Variants in RINT1 observed in about 807,000 individuals in gnomAD.
RINT1 encodes the protein RAD50-interacting protein 1.
Under a neutral mutation model 97.7 loss-of-function variants are expected in RINT1, and 75 were observed. That is an observed-to-expected ratio of 0.77 (90% CI 0.64 to 0.93). The LOEUF is 0.93. RINT1 is among the 40% of genes least tolerant of loss of function. The pLI is 0.00. For missense variants in RINT1, 892 were observed against 925.2 expected (o/e 0.96, Z 0.47); for synonymous variants, 303 against 326.3 (o/e 0.93, Z 0.77).
chr7:105,532,851 A>AAG lies in RINT1; in HGVS notation c.72_73dup (p.Asn25ArgfsTer9), dbSNP rs1338730357. 6.2e-7 allele frequency: 1 copy of AAG among 1,614,052 alleles called. No homozygotes were observed. The highest frequency in any genetic ancestry group is 1.7e-5 in the Admixed American group (1 of 59,992). ...CTGCTCTGAAAGTGGTGACGAAAGGAAGAACCTCGAGGAGAAAAGTAAGCC... is the reference window on the plus strand; with the variant it reads ...CTGCTCTGAAAGTGGTGACGAAAGGAAGAGAACCTCGAGGAGAAAAGTAAGCC... On this transcript the variant is annotated frameshift_variant, in exon 2 of 15. Transcript: ENST00000257700. LOFTEE classifies it high-confidence loss of function.
intron 11 of RINT1, 133 bp downstream of exon 11, chr7:105,555,360 G>T (rs924086609): frequency 5.9e-5 from 38 of 642,622 alleles, no homozygotes; most frequent in Non-Finnish European, 8.5e-5. Context: ...TAATTAAAAG[G>T]TGTAATTAAA....
intron 4 of RINT1, among the ~76,000 whole-genome samples, chr7:105,544,626 G>A (rs920501382): frequency 1.3e-5 from 2 of 151,844 alleles, no homozygotes; most frequent in African/African-American, 4.8e-5. Context: ...GTAGAGATAG[G>A]GTTTCACTAT....
intron 9 of RINT1, 96 bp from the exon 10 acceptor site, chr7:105,551,474 T>C: frequency 9.0e-7 from 1 of 1,107,478 alleles, no homozygotes; most frequent in South Asian, 1.9e-5. Flanking sequence ...TGTTTCTTTT[T>C]TATAGAAAAG....
chr7:105,554,675 G>A lies in RINT1; in HGVS notation c.1472-353G>A, dbSNP rs561281553. Among the ~76,000 whole-genome samples the A allele has an allele frequency of 7.3e-5, 11 of 151,700 alleles. No homozygotes were observed. The East Asian group carries it at 2.2e-3, about 30-fold the overall frequency. On this transcript the variant is annotated intron_variant, in intron 10 of 14. Coordinates refer to ENST00000257700, the MANE Select transcript of RINT1 (RefSeq NM_021930.6). The stretch of plus-strand genomic sequence containing the variant: ...GGCTAGTCTTGAACTCCTGACCTCA[G>A]TTGATCCACCTGCCTTGGCCTCACA...
chr7:105,552,237 A>G (rs957756980), intron 10 of RINT1, among the ~76,000 whole-genome samples: 1 of 152,206 alleles, frequency 6.6e-6, no homozygotes, highest in African/African-American at 2.4e-5. Flanking sequence ...TTCCTGAATA[A>G]TTACACAAAA....
rs184867596 is a variant in RINT1 at position 105,532,214 on chromosome 7, C to T, written c.-102C>T. ...GAGGAAGTCGCTGTGGCACTCAGTCCTACGGCCTCCGAGGCTGGGTAGTGA... is the reference window on the plus strand; with the variant it reads ...GAGGAAGTCGCTGTGGCACTCAGTCTTACGGCCTCCGAGGCTGGGTAGTGA... On this transcript the variant is annotated 5_prime_UTR_variant, in exon 1 of 15. Coordinates refer to ENST00000257700, the MANE Select transcript of RINT1 (RefSeq NM_021930.6). The T allele has an allele frequency of 3.6e-5, 49 of 1,343,004 alleles. 1 individual carries two copies. Among genetic ancestry groups the T allele is most frequent in the East Asian group, 5.1e-5 (2 of 39,390 alleles). 83.2% of individuals were successfully genotyped at this position (1,343,004 alleles called of 1,614,324 possible). A position where few individuals can be genotyped will look rare whatever the true frequency, so the allele number is the denominator to read the frequency against.
chr7:105,551,779 C>G, intron 10 of RINT1, 72 bp downstream of exon 10: 1 of 1,333,538 alleles, frequency 7.5e-7, no homozygotes. Context: ...TAAAGTAGCT[C>G]AGTAGGCTGG....
Position 105,542,485 on chromosome 7 carries a change from T to TA in RINT1, c.353dup (p.Asn118LysfsTer15). The TA allele has an allele frequency of 6.2e-7, 1 of 1,614,016 alleles. No homozygotes were observed. The highest frequency in any genetic ancestry group is 8.5e-7 in the Non-Finnish European group (1 of 1,179,928). ...ATGCAGAAGAATCAAAGCAATTTCT[T>TA]AATCAGTTTCTGGAGCAGGAAACTC... On this transcript the variant is annotated frameshift_variant, in exon 4 of 15. Transcript: ENST00000257700. LOFTEE classifies it high-confidence loss of function.
chr7:105,556,524 TA>T lies in RINT1; in HGVS notation c.1671+1306del, dbSNP rs146857983. ...TATCTCTAAAAGGTAAGAACTCTTT[TA>T]AAAAAAAACAGCACTATGATTGTAT... On this transcript the variant is annotated intron_variant, in intron 11 of 14. Transcript: ENST00000257700. Among the ~76,000 whole-genome samples the T allele has an allele frequency of 7.3e-4, 111 of 151,144 alleles. No individual in the cohort carries two copies. In the South Asian group the frequency reaches 0.012, roughly 16 times the overall value.
At chr7:105,546,879 G>GA (rs752715363) in intron 4 of RINT1, 31 bp from the exon 5 acceptor site, 412 of 1,531,816 alleles carry the variant, frequency 2.7e-4, no homozygotes, top group Admixed American at 3.2e-4. Flanking sequence ...TGTCTCAAAA[G>GA]AAAAAAAAAT....
Position 105,565,518 on chromosome 7 carries a change from T to G in RINT1, c.2068-12T>G. 1.2e-6 allele frequency: 2 copies of G among 1,610,028 alleles called. No homozygotes were observed. The highest frequency in any genetic ancestry group is 1.7e-6 in the Non-Finnish European group (2 of 1,176,666). On this transcript the variant is annotated splice_polypyrimidine_tract_variant and intron_variant, in intron 13 of 14. Coordinates refer to ENST00000257700, the MANE Select transcript of RINT1 (RefSeq NM_021930.6). ...TAAAGACAACTGTTATATGAATTAT[T>G]CTTTGTTTCAGATAATTCTTGCTAA...
chr7:105,534,156 C>T (rs1005680787), intron 2 of RINT1, among the ~76,000 whole-genome samples: 11 of 152,032 alleles, frequency 7.2e-5, no homozygotes, highest in African/African-American at 2.2e-4. Context: ...CTGCAAGCTC[C>T]GCCTCTGAGT....
intron 10 of RINT1, among the ~76,000 whole-genome samples, chr7:105,552,284 G>T (rs1394520366): frequency 6.6e-6 from 1 of 152,114 alleles, no homozygotes; most frequent in African/African-American, 2.4e-5. Context: ...TATCCAAACT[G>T]TCTTGCTATT....
intron 11 of RINT1, among the ~76,000 whole-genome samples, chr7:105,561,699 T>C (rs1237694406): frequency 4.0e-5 from 6 of 151,876 alleles, no homozygotes; most frequent in Admixed American, 2.6e-4. Flanking sequence ...GTAGCTGGGA[T>C]TACAGGCACC....
rs752301281 is a variant in RINT1 at position 105,563,812 on chromosome 7, T to G, written c.1751T>G (p.Leu584Arg). Residue 584 changes from leucine (L) to arginine (R), a missense_variant, in exon 12 of 15, where the codon CTA (leucine) becomes CGA (arginine). Coordinates refer to ENST00000257700, the MANE Select transcript of RINT1 (RefSeq NM_021930.6). ...CTGAGTAAATTGCAGCTAGGACAGC[T>G]AGCCTCTATGGAGAGCTCTGTCTTT... is the stretch of plus-strand genomic sequence containing the variant. ...NTLSKLQLGQ[L>R]ASMESSVFDD... 33 of 1,614,022 alleles carry G rather than the reference T, an allele frequency of 2.0e-5. No homozygotes were observed.
intron 2 of RINT1, among the ~76,000 whole-genome samples, chr7:105,535,229 CT>C (rs57647904): frequency 0.13 from 16,938 of 129,062 alleles, 609 homozygotes; most frequent in South Asian, 0.22. Context: ...GCTTAAAAAC[CT>C]TTTTTTTTTT....
chr7:105,546,007 G>A (rs1330131262), intron 4 of RINT1, among the ~76,000 whole-genome samples: 1 of 139,142 alleles, frequency 7.2e-6, no homozygotes, highest in Non-Finnish European at 1.6e-5. Flanking sequence ...GATGGGGAAG[G>A]GGGGGCGGGG....
chr7:105,552,470 G>C (rs907181329), intron 10 of RINT1, among the ~76,000 whole-genome samples: 1 of 152,020 alleles, frequency 6.6e-6, no homozygotes, highest in African/African-American at 2.4e-5. Flanking sequence ...GGGTAGCCTA[G>C]CATCCTCTGG....
chr7:105,563,499 T>C (rs1225411687), intron 11 of RINT1, among the ~76,000 whole-genome samples: 1 of 152,102 alleles, frequency 6.6e-6, no homozygotes, highest in African/African-American at 2.4e-5. Flanking sequence ...ACCCGGCTTA[T>C]TTTTGTATTT....
Sources: allele counts gnomAD v4.1 joint callset (sites outside exome capture counted in the v4.1 genomes callset), GRCh38; gene constraint gnomAD v4.1.1; transcripts MANE v1.5; gene names NCBI Gene and HGNC (gene_info 2026-07-23, HGNC 2026-07-21).